The following PRKCE variants were observed in gnomAD, a reference collection of about 807,000 sequenced individuals.
PRKCE encodes the protein protein kinase C epsilon.
In PRKCE, 16 loss-of-function variants were observed where a neutral mutation model predicts 85.4. That is an observed-to-expected ratio of 0.19 (90% CI 0.13 to 0.28). The LOEUF is 0.28. PRKCE is among the 10% of genes least tolerant of loss of function. The probability of loss-of-function intolerance (pLI) is 1.00; values close to 1 mark genes in which losing one functional copy is unlikely to be tolerated. For synonymous variants in PRKCE, 388 were observed against 371.5 expected (o/e 1.04, Z -0.51); for missense variants, 573 against 975.2 (o/e 0.59, Z 5.49).
Position 46,007,577 on chromosome 2 carries a change from C to T in PRKCE, c.1179C>T (p.Gly393=), listed in dbSNP as rs139526821. 453 of 1,599,786 alleles carry T rather than the reference C, an allele frequency of 2.8e-4. 2 individuals carry two copies. In the African/African-American group the frequency reaches 4.7e-3, roughly 17 times the overall value. ...DGQLMSPGEN[G]EVRQGQAKRL... ...AGCTGATGAGCCCCGGTGAGAATGG[C>T]GAAGTCCGGCAAGGCCAGGCCAAGC... Residue 393 remains glycine, a synonymous_variant, in exon 9 of 15, where the codon GGC becomes GGT. Transcript: ENST00000306156.
chr2:46,052,916 C>T (rs1265982621), intron 10 of PRKCE, among the ~76,000 whole-genome samples: 1 of 152,134 alleles, frequency 6.6e-6, no homozygotes, highest in Non-Finnish European at 1.5e-5. Context: ...GGATGGTTTT[C>T]CATAAATGGT....
At chr2:45,995,931 G>A (rs1378971632) in intron 6 of PRKCE, among the ~76,000 whole-genome samples, 8 of 152,166 alleles carry the variant, frequency 5.3e-5, no homozygotes, top group East Asian at 1.9e-4. Context: ...TTAAGGTTGC[G>A]TTGAATATAT....
intron 1 of PRKCE, among the ~76,000 whole-genome samples, chr2:45,682,720 G>T (rs4953241): frequency 0.08 from 12,160 of 152,234 alleles, 610 homozygotes; most frequent in East Asian, 0.13. Context: ...ACAAGTAGCT[G>T]GGATTACAGG....
intron 1 of PRKCE, among the ~76,000 whole-genome samples, chr2:45,822,305 C>T (rs943055952): frequency 5.3e-5 from 8 of 152,212 alleles, no homozygotes; most frequent in South Asian, 2.1e-4. Context: ...AGCCGATTTA[C>T]GGAGGATGAA....
rs376261819 is a variant in PRKCE, at chr2:45,820,093, G to A, written c.349-22907G>A. On this transcript the variant is annotated intron_variant, in intron 1 of 14. Transcript: ENST00000306156. ...GAGGATGTTTTAAGTGGGTTGGACT[G>A]AAGGGGCGAATCCTCAATGGGATTT... Among the ~76,000 whole-genome samples, 4 of 152,298 alleles carry A rather than the reference G, an allele frequency of 2.6e-5. No individual in the cohort carries two copies. In the East Asian group the frequency reaches 7.7e-4, roughly 29 times the overall value.
intron 12 of PRKCE, 41 bp from the exon 13 acceptor site, chr2:46,151,000 G>A: frequency 6.4e-7 from 1 of 1,562,132 alleles, no homozygotes; most frequent in Non-Finnish European, 8.7e-7. Context: ...ACTGGGGTGG[G>A]AGCCTTTGAT....
chr2:46,064,139 A>C (rs893560925), intron 10 of PRKCE, among the ~76,000 whole-genome samples: 1 of 151,868 alleles, frequency 6.6e-6, no homozygotes, highest in Non-Finnish European at 1.5e-5. Flanking sequence ...AAAATTAGCC[A>C]GGCATGGTGA....
chr2:46,131,310 G>A (rs568933577), intron 11 of PRKCE, among the ~76,000 whole-genome samples: 4 of 152,198 alleles, frequency 2.6e-5, no homozygotes, highest in East Asian at 1.9e-4. Flanking sequence ...TGGTCTTGAA[G>A]CTGTGCCCCA....
intron 1 of PRKCE, among the ~76,000 whole-genome samples, chr2:45,683,116 A>C (rs1193122015): frequency 2.6e-5 from 4 of 152,200 alleles, no homozygotes; most frequent in African/African-American, 9.7e-5. Flanking sequence ...TCCTGAATGA[A>C]AGGATACTGG....
intron 1 of PRKCE, among the ~76,000 whole-genome samples, chr2:45,674,334 G>A (rs1488251819): frequency 6.6e-6 from 1 of 152,178 alleles, no homozygotes; most frequent in African/African-American, 2.4e-5. Context: ...GTGCTGTGGA[G>A]GAGGCCTTCC....
At chr2:45,878,699 C>T (rs912870251) in intron 2 of PRKCE, among the ~76,000 whole-genome samples, 7 of 152,142 alleles carry the variant, frequency 4.6e-5, no homozygotes, top group Non-Finnish European at 8.8e-5. Flanking sequence ...CTGCCATTGC[C>T]AGAGCTAGAG....
chr2:45,984,206 G>A (rs1279147114), intron 5 of PRKCE, among the ~76,000 whole-genome samples: 3 of 152,074 alleles, frequency 2.0e-5, no homozygotes, highest in East Asian at 1.9e-4. Context: ...CCAAAATGCT[G>A]GGATTACAGA....
In PRKCE at chr2:45,652,389, A is replaced by G; in HGVS notation, c.289A>G (p.Asn97Asp). The G allele has an allele frequency of 6.2e-7, 1 of 1,612,936 alleles. No homozygotes were observed. Reference sequence around the variant, plus strand: ...CATAGGCTACGACGACTTCGTGGCCAACTGCACCATCCAGTTTGAGGAGCT... The same window carrying G: ...CATAGGCTACGACGACTTCGTGGCCGACTGCACCATCCAGTTTGAGGAGCT... ...APIGYDDFVA[N>D]CTIQFEELLQ... Residue 97 changes from asparagine (N) to aspartate (D), a missense_variant, in exon 1 of 15, where the codon AAC becomes GAC. By Grantham distance (23) the Asn-to-Asp change is conservative (BLOSUM62 1). Transcript: ENST00000306156. This position sits in a 1 kb window ranked among gnomAD's most constrained non-coding sequence, Gnocchi z 7.7.
intron 2 of PRKCE, among the ~76,000 whole-genome samples, chr2:45,867,861 C>T (rs1246207906): frequency 6.6e-6 from 1 of 152,132 alleles, no homozygotes; most frequent in African/African-American, 2.4e-5. Context: ...GTTTGGGGGC[C>T]TTTCATCCTA....
chr2:46,047,718 T>G (rs1165244308), intron 10 of PRKCE, among the ~76,000 whole-genome samples: 1 of 152,200 alleles, frequency 6.6e-6, no homozygotes, highest in African/African-American at 2.4e-5. Context: ...CTTATTTACT[T>G]AACTCATTTA....
chr2:45,791,721 G>A (rs145811160), intron 1 of PRKCE, among the ~76,000 whole-genome samples: 1 of 152,180 alleles, frequency 6.6e-6, no homozygotes, highest in Non-Finnish European at 1.5e-5. Flanking sequence ...CCTTGATGCT[G>A]GGTTAATGCG....
chr2:46,180,367 C>T (rs1305009421), intron 14 of PRKCE, among the ~76,000 whole-genome samples: 1 of 152,092 alleles, frequency 6.6e-6, no homozygotes, highest in Non-Finnish European at 1.5e-5. Context: ...GGGGATGAGG[C>T]AAGGACAAGC....
chr2:45,930,003 T>A (rs2104030337), intron 2 of PRKCE, among the ~76,000 whole-genome samples: 1 of 152,334 alleles, frequency 6.6e-6, no homozygotes, highest in Non-Finnish European at 1.5e-5. Context: ...ATTCAATGAA[T>A]CAATGAATGG....
chr2:45,673,558 GGGCTGCT>G (rs1676277723), intron 1 of PRKCE, among the ~76,000 whole-genome samples: 1 of 152,146 alleles, frequency 6.6e-6, no homozygotes, highest in Admixed American at 6.5e-5. Context: ...GACATATTTA[GGGCTGCT>G]GGCCAAGAGA....
Sources: allele counts gnomAD v4.1 joint callset (sites outside exome capture counted in the v4.1 genomes callset), GRCh38; gene constraint gnomAD v4.1.1; non-coding constraint Gnocchi (gnomAD v3.1); transcripts MANE v1.5; gene names NCBI Gene and HGNC (gene_info 2026-07-23, HGNC 2026-07-21).